Variants in CMC2 observed in about 807,000 individuals in gnomAD.
The protein encoded by CMC2 is COX assembly mitochondrial protein 2 homolog.
A neutral mutation model predicts 7.5 loss-of-function variants in CMC2; 5 were observed. The ratio of observed to expected loss-of-function variants is 0.66; its 90% CI spans 0.35 to 1.40. The LOEUF is 1.40. CMC2 is among the 40% of genes most tolerant of loss of function. The probability of loss-of-function intolerance (pLI) is 0.04; values close to 1 mark genes in which losing one functional copy is unlikely to be tolerated. For missense variants in CMC2, 115 were observed against 92.3 expected (o/e 1.25, Z -1.01); for synonymous variants, 37 against 31.4 (o/e 1.18, Z -0.60).
At chr16:81,001,653 G>A (rs1297097887) in intron 1 of CMC2, among the ~76,000 whole-genome samples, 1 of 151,952 alleles carries the variant, frequency 6.6e-6, no homozygotes, top group East Asian at 1.9e-4. Context: ...CGAATTTTAT[G>A]GTATGTAAAT....
chr16:80,982,453 G>A (rs1597223005), intron 2 of CMC2: 1 of 143,128 alleles, frequency 7.0e-6, no homozygotes, highest in Non-Finnish European at 1.5e-5. Context: ...AGGATGTAGT[G>A]AGTCGAGATC....
intron 1 of CMC2, among the ~76,000 whole-genome samples, chr16:81,001,486 G>C (rs1968861403): frequency 6.6e-6 from 1 of 152,096 alleles, no homozygotes; most frequent in African/African-American, 2.4e-5. Context: ...AGATGAATGG[G>C]GAGTTACTGT....
intron 2 of CMC2, chr16:80,996,879 C>A: frequency 6.7e-6 from 2 of 299,922 alleles, no homozygotes; most frequent in Non-Finnish European, 6.7e-6. Flanking sequence ...TTAAGCCAAT[C>A]ATAAATCTAG....
chr16:80,979,870 T>C (rs1309570536), intron 3 of CMC2, among the ~76,000 whole-genome samples: 3 of 152,242 alleles, frequency 2.0e-5, no homozygotes, highest in Admixed American at 2.0e-4. Flanking sequence ...GATCCGCCTG[T>C]CTTGGCCTCT....
chr16:80,995,746 G>A (rs1968366355), intron 2 of CMC2, among the ~76,000 whole-genome samples: 1 of 152,162 alleles, frequency 6.6e-6, no homozygotes, highest in Non-Finnish European at 1.5e-5. Flanking sequence ...GTAGTGCAGT[G>A]GTTACCTGGG....
chr16:81,002,826 A>C (rs1357829520), intron 1 of CMC2, among the ~76,000 whole-genome samples: 1 of 152,214 alleles, frequency 6.6e-6, no homozygotes, highest in African/African-American at 2.4e-5. Flanking sequence ...TATATTTATA[A>C]GGCCCTTCTA....
At chr16:80,995,252 G>A (rs1968317993) in intron 2 of CMC2, among the ~76,000 whole-genome samples, 2 of 146,634 alleles carry the variant, frequency 1.4e-5, no homozygotes, top group South Asian at 4.5e-4. Context: ...AATAAACTGT[G>A]GCATATCCAT....
intron 2 of CMC2, among the ~76,000 whole-genome samples, chr16:80,992,217 T>C (rs1033581576): frequency 1.3e-5 from 2 of 152,198 alleles, no homozygotes; most frequent in Non-Finnish European, 2.9e-5. Flanking sequence ...AACAGCTGTA[T>C]AGTGCTCCAT....
At chr16:81,005,539 G>C (rs1312312694) in intron 1 of CMC2, among the ~76,000 whole-genome samples, 1 of 151,952 alleles carries the variant, frequency 6.6e-6, no homozygotes, top group African/African-American at 2.4e-5. Context: ...TGCAGCAGAG[G>C]TCGCAGACAC....
At chr16:80,998,691 T>C (rs561026134) in intron 1 of CMC2, 1 of 152,158 alleles carries the variant, frequency 6.6e-6, no homozygotes, top group Non-Finnish European at 1.5e-5. Context: ...CTATTCAGCC[T>C]TAAAATGGAA....
At chr16:80,978,200 C>T (rs967700983) in intron 3 of CMC2, 7 of 883,924 alleles carry the variant, frequency 7.9e-6, no homozygotes, top group Non-Finnish European at 8.2e-6. Context: ...TATTCTAGAA[C>T]AAGGAAGGAT....
intron 2 of CMC2, among the ~76,000 whole-genome samples, chr16:80,989,734 T>G (rs934415669): frequency 6.6e-6 from 1 of 152,194 alleles, no homozygotes; most frequent in Non-Finnish European, 1.5e-5. Context: ...TTGAAAACCA[T>G]GAGTTCACAC....
At position 81,006,809 on chromosome 16, in the gene CMC2, G is replaced by C. The variant is rs374550272; in HGVS notation, c.-111C>G. 6.1e-6 allele frequency: 6 copies of C among 985,500 alleles called. No individual in the cohort carries two copies. Among genetic ancestry groups the C allele is most frequent in the Admixed American group, 6.1e-5 (1 of 16,278 alleles). 61.0% of individuals were successfully genotyped at this position (985,500 alleles called of 1,614,324 possible). A position where few individuals can be genotyped will look rare whatever the true frequency, so the allele number is the denominator to read the frequency against. On this transcript the variant is annotated 5_prime_UTR_variant, in exon 1 of 4. Transcript: ENST00000219400. ...CGCCCGACCCGAAGGCCGGCTGCTA[G>C]GGAGCAGACAGCTGAACCGCTTGCC...
chr16:80,978,021 G>A (rs868180990), intron 3 of CMC2, among the ~76,000 whole-genome samples: 1 of 148,632 alleles, frequency 6.7e-6, no homozygotes, highest in East Asian at 2.1e-4. Context: ...GCAGTGAGCC[G>A]AGATCGCACC....
rs1259054585 is a variant in CMC2, at chr16:80,997,331, T to C, written c.64A>G (p.Lys22Glu). Residue 22 changes from lysine (K) to glutamate (E), a missense_variant, in exon 2 of 4, where the codon AAG (lysine) becomes GAG (glutamate). Transcript: ENST00000219400. The part of the protein sequence containing the change: ...EECNVLINLL[K>E]ECHKNHNILK... ...ACTCTTACATTTTTGTGACATTCCT[T>C]AAGCAAGTTAATCAAGACGTTGCAT... The C allele has an allele frequency of 1.3e-6, 2 of 1,590,452 alleles. No individual in the cohort carries two copies. The highest frequency in any genetic ancestry group is 2.2e-5 in the East Asian group (1 of 44,690).
chr16:80,988,464 A>G, intron 2 of CMC2: 1 of 660,366 alleles, frequency 1.5e-6, no homozygotes, highest in African/African-American at 1.8e-5. Context: ...AACTTGAAGA[A>G]AAGTTCCAAG....
intron 2 of CMC2, among the ~76,000 whole-genome samples, chr16:80,989,994 T>C (rs1393816397): frequency 1.3e-5 from 2 of 152,208 alleles, no homozygotes; most frequent in East Asian, 1.9e-4. Context: ...TAGTTCATTT[T>C]TTTCTTTAGT....
At chr16:80,989,450 CA>C (rs1003839166) in intron 2 of CMC2, among the ~76,000 whole-genome samples, 3 of 152,166 alleles carry the variant, frequency 2.0e-5, no homozygotes, top group African/African-American at 7.2e-5. Context: ...GGAATCCCTT[CA>C]AGCTAGCCCC....
chr16:80,987,828 C>T (rs1185338174), intron 2 of CMC2, among the ~76,000 whole-genome samples: 1 of 152,140 alleles, frequency 6.6e-6, no homozygotes, highest in African/African-American at 2.4e-5. Context: ...ATTACACAAA[C>T]TCAGGGCTAG....
Sources: allele counts gnomAD v4.1 joint callset (sites outside exome capture counted in the v4.1 genomes callset), GRCh38; gene constraint gnomAD v4.1.1; transcripts MANE v1.5; gene names NCBI Gene and HGNC (gene_info 2026-07-23, HGNC 2026-07-21).